The following ARFGEF1 variants were observed in gnomAD, a reference collection of about 807,000 sequenced individuals.
ARFGEF1 encodes the protein ARF guanine nucleotide exchange factor 1.
ARFGEF1 carries 42 observed loss-of-function variants against 231.0 expected under a neutral mutation model. The observed-to-expected ratio is 0.18, with a 90% CI of 0.14 to 0.24. The LOEUF (loss-of-function observed/expected upper bound fraction) is 0.24, where lower values mean the gene tolerates loss of function less well. Ranked by LOEUF, ARFGEF1 falls within the 10% of genes least tolerant of loss-of-function variation. ARFGEF1 has a pLI of 1.00. For missense variants in ARFGEF1, 1,345 were observed against 2,192.0 expected (o/e 0.61, Z 7.72); for synonymous variants, 710 against 732.3 (o/e 0.97, Z 0.49).
chr8:67,233,962 A>G (rs925832234), intron 22 of ARFGEF1, among the ~76,000 whole-genome samples: 3 of 152,126 alleles, frequency 2.0e-5, no homozygotes, highest in African/African-American at 7.2e-5. Flanking sequence ...ACGTTCATAC[A>G]GTTGCATATA....
At chr8:67,321,953 G>T (rs1807618016) in intron 1 of ARFGEF1, among the ~76,000 whole-genome samples, 2 of 152,146 alleles carry the variant, frequency 1.3e-5, no homozygotes, top group Admixed American at 1.3e-4. Flanking sequence ...TTTGGCTCCT[G>T]CCTACCACTC....
downstream of ARFGEF1, chr8:67,174,540 A>T (rs572865036): frequency 6.6e-6 from 1 of 152,266 alleles, no homozygotes; most frequent in East Asian, 1.9e-4. Flanking sequence ...AGGCGTGTGG[A>T]TCACGAGGTC....
At chr8:67,291,257 A>G (rs1318266955) in intron 6 of ARFGEF1, among the ~76,000 whole-genome samples, 1 of 152,076 alleles carries the variant, frequency 6.6e-6, no homozygotes, top group African/African-American at 2.4e-5. Context: ...TTTGTAAAAT[A>G]AATATAATTT....
At chr8:67,184,358 A>G (rs1204829933) in intron 5 of ARFGEF1, among the ~76,000 whole-genome samples, 2 of 152,236 alleles carry the variant, frequency 1.3e-5, no homozygotes, top group East Asian at 3.8e-4. Context: ...GAGAAAATCA[A>G]TGAAACCAAG....
At chr8:67,322,097 C>T (rs1807624106) in intron 1 of ARFGEF1, among the ~76,000 whole-genome samples, 1 of 152,164 alleles carries the variant, frequency 6.6e-6, no homozygotes, top group Non-Finnish European at 1.5e-5. Flanking sequence ...AATTCCATCC[C>T]ACCACCACTA....
At position 67,343,244 on chromosome 8, in the gene ARFGEF1, G is replaced by A. The variant is rs1347297540; in HGVS notation, c.44C>T (p.Ala15Val). The A allele has an allele frequency of 1.2e-6, 2 of 1,613,824 alleles. No individual in the cohort carries two copies. The highest frequency in any genetic ancestry group is 1.7e-6 in the Non-Finnish European group (2 of 1,179,882). ...CTTGTCGGCCAATATCTTCTCCAGAGCCCGGGTCAGGAACATGTTCTTCGT... is the reference window on the plus strand; with the variant it reads ...CTTGTCGGCCAATATCTTCTCCAGAACCCGGGTCAGGAACATGTTCTTCGT... Reference protein sequence around the residue: ...KKTKNMFLTRALEKILADKEV... With the variant: ...KKTKNMFLTRVLEKILADKEV... Residue 15 changes from alanine to valine, a missense_variant, in exon 1 of 39, where the codon GCT (alanine) becomes GTT (valine). Ala to Val is a moderately conservative substitution (Grantham distance 64). Coordinates refer to ENST00000262215, the MANE Select transcript of ARFGEF1 (RefSeq NM_006421.5).
intron 2 of ARFGEF1, 74 bp downstream of exon 2, chr8:67,302,362 G>T: frequency 1.7e-6 from 2 of 1,204,190 alleles, no homozygotes; most frequent in Non-Finnish European, 2.3e-6. Flanking sequence ...CTAAAATACA[G>T]ATGACTATAT....
chr8:67,311,227 G>A (rs1207070828), intron 1 of ARFGEF1, among the ~76,000 whole-genome samples: 5 of 142,364 alleles, frequency 3.5e-5, no homozygotes, highest in Admixed American at 6.9e-5. Context: ...CGCCCCGTCC[G>A]GGAGGGAGGT....
chr8:67,335,791 GGCTGGAGTGCAGTA>G (rs1808319344), intron 1 of ARFGEF1, among the ~76,000 whole-genome samples: 1 of 151,706 alleles, frequency 6.6e-6, no homozygotes, highest in African/African-American at 2.4e-5. Flanking sequence ...CTGTCTCTCG[GGCTGGAGTGCAGTA>G]GCACAATCTT....
chr8:67,181,548 T>G (rs543558994), intron 5 of ARFGEF1, among the ~76,000 whole-genome samples: 1 of 152,120 alleles, frequency 6.6e-6, no homozygotes, highest in African/African-American at 2.4e-5. Context: ...GATACAGCAG[T>G]ATTTATGGTT....
Position 67,267,020 on chromosome 8 carries a change from G to C in ARFGEF1, c.1813-36C>G, listed in dbSNP as rs1189410490. ...ATTCAAAAACAAAATTTTTTTTAAAGGTCTTTTAAGGAAAACACATGACTC... is the reference window on the plus strand; with the variant it reads ...ATTCAAAAACAAAATTTTTTTTAAACGTCTTTTAAGGAAAACACATGACTC... On this transcript the variant is annotated intron_variant, in intron 12 of 38. Coordinates refer to ENST00000262215, the MANE Select transcript of ARFGEF1 (RefSeq NM_006421.5). The C allele has an allele frequency of 1.9e-6, 3 of 1,608,612 alleles. No homozygotes were observed. In the Admixed American group the frequency reaches 5.1e-5, roughly 27 times the overall value.
intron 33 of ARFGEF1, among the ~76,000 whole-genome samples, chr8:67,213,823 G>A (rs888601023): frequency 6.6e-6 from 1 of 152,188 alleles, no homozygotes; most frequent in Non-Finnish European, 1.5e-5. Context: ...AGGCTTTCCA[G>A]CCTGCCTGCC....
chr8:67,297,697 C>T (rs1180079378), intron 4 of ARFGEF1, among the ~76,000 whole-genome samples: 1 of 152,104 alleles, frequency 6.6e-6, no homozygotes, highest in Non-Finnish European at 1.5e-5. Flanking sequence ...TATCTTTTGT[C>T]TTCTTTATGT....
chr8:67,193,373 A>G, downstream of ARFGEF1: 2 of 1,153,934 alleles, frequency 1.7e-6, no homozygotes, highest in Non-Finnish European at 2.5e-6. Context: ...CTGGGATCAC[A>G]GGTGATAGGC....
chr8:67,244,497 G>T (rs910155384), intron 19 of ARFGEF1, among the ~76,000 whole-genome samples: 3 of 148,592 alleles, frequency 2.0e-5, no homozygotes, highest in Admixed American at 6.8e-5. Flanking sequence ...ATGGGGCTTC[G>T]CCATGTTGCC....
chr8:67,285,421 G>C (rs1485430267), intron 7 of ARFGEF1, among the ~76,000 whole-genome samples: 1 of 152,122 alleles, frequency 6.6e-6, no homozygotes, highest in African/African-American at 2.4e-5. Flanking sequence ...GGAGACTAAG[G>C]CAGGAGGACT....
At position 67,182,630 on chromosome 8, in the gene ARFGEF1, T is replaced by G. The variant is rs532279708; in HGVS notation, c.561-7058A>C. Among the ~76,000 whole-genome samples the G allele has an allele frequency of 2.6e-5, 4 of 152,360 alleles. No individual in the cohort carries two copies. The East Asian group carries it at 7.7e-4, about 29-fold the overall frequency. Reference sequence around the variant, plus strand: ...CAGTGCACAAAAGTTCCGATTTCTCTACATCCTTAACACTTGTTACTTTGT... The same window carrying G: ...CAGTGCACAAAAGTTCCGATTTCTCGACATCCTTAACACTTGTTACTTTGT... On this transcript the variant is annotated intron_variant, in intron 5 of 5. Coordinates refer to the ARFGEF1 transcript ENST00000518789.
In ARFGEF1 at chr8:67,228,106, C is replaced by A; in HGVS notation, c.3448G>T (p.Val1150Leu). The change falls in exon 25 of 39, where the codon GTG (valine) becomes TTG (leucine). Residue 1150 changes from valine (V) to leucine (L), a missense_variant. Val to Leu is a conservative substitution (Grantham distance 32). Transcript: ENST00000262215. ...IVDFVRWLCA[V>L]SMDELLSTTH... The stretch of plus-strand genomic sequence containing the variant: ...GTGGAAAGTAATTCATCCATAGACA[C>A]AGCACAGAGCCAACGGACAAAATCC... 2 of 1,610,172 alleles carry A rather than the reference C, an allele frequency of 1.2e-6. No homozygotes were observed. The highest frequency in any genetic ancestry group is 1.7e-6 in the Non-Finnish European group (2 of 1,178,698).
chr8:67,255,835 A>G (rs1022214577), intron 17 of ARFGEF1, among the ~76,000 whole-genome samples: 3 of 152,232 alleles, frequency 2.0e-5, no homozygotes, highest in African/African-American at 4.8e-5. Context: ...CTGTTATGCT[A>G]AAGACGGGAC....
Sources: allele counts gnomAD v4.1 joint callset (sites outside exome capture counted in the v4.1 genomes callset), GRCh38; gene constraint gnomAD v4.1.1; transcripts MANE v1.5; gene names NCBI Gene and HGNC (gene_info 2026-07-23, HGNC 2026-07-21).